ADAMTS20: variants seen among roughly 807,000 people sequenced by gnomAD.
ADAMTS20 encodes A disintegrin and metalloproteinase with thrombospondin motifs 20.
ADAMTS20 carries 225 observed loss-of-function variants against 260.1 expected under a neutral mutation model. The ratio of observed to expected loss-of-function variants is 0.87; its 90% CI spans 0.78 to 0.97. The LOEUF (loss-of-function observed/expected upper bound fraction) is 0.97, where lower values mean the gene tolerates loss of function less well. Among genes scored for constraint, ADAMTS20 ranks in the 50% least tolerant of loss-of-function variants. ADAMTS20 has a pLI of 0.00. For missense variants in ADAMTS20, 2,400 were observed against 2,337.7 expected, an observed-to-expected ratio of 1.03 and a Z score of -0.55; for synonymous variants, 802 against 769.5, an observed-to-expected ratio of 1.04 and a Z score of -0.70.
At chr12:43,525,234 C>T (rs547746428) in intron 3 of ADAMTS20, among the ~76,000 whole-genome samples, 1 of 152,152 alleles carries the variant, frequency 6.6e-6, no homozygotes, top group Non-Finnish European at 1.5e-5. Context: ...GCTTTAGCCT[C>T]CTTAGACAGG....
rs975301251 is a variant in ADAMTS20, at chr12:43,474,432, C to T, written c.1118-5727G>A. 8.3e-4 allele frequency among the ~76,000 whole-genome samples: 125 copies of T among 150,926 alleles called. 3 individuals are homozygous for T. Among genetic ancestry groups the T allele is most frequent in the Non-Finnish European group, 1.0e-3 (69 of 67,504 alleles). On this transcript the variant is annotated intron_variant, in intron 7 of 38. Transcript: ENST00000389420. ...GGTACAAGGAGGAACTGGTACCATT[C>T]CTTGTGAAACTATTCCAATCAATAG...
At chr12:43,460,494 G>C (rs1942040358) in intron 11 of ADAMTS20, among the ~76,000 whole-genome samples, 1 of 152,038 alleles carries the variant, frequency 6.6e-6, no homozygotes, top group Non-Finnish European at 1.5e-5. Context: ...TTGCTGGGGG[G>C]AGTCTAAAAT....
chr12:43,384,149 A>G (rs112900784), intron 29 of ADAMTS20, among the ~76,000 whole-genome samples, 172 bp from the exon 30 acceptor site: 5 of 152,350 alleles, frequency 3.3e-5, no homozygotes, highest in African/African-American at 9.6e-5. Flanking sequence ...CTGTAAATGT[A>G]TATTTTCCCT....
At chr12:43,370,055 C>T (rs1940073803) in intron 36 of ADAMTS20, among the ~76,000 whole-genome samples, 1 of 152,098 alleles carries the variant, frequency 6.6e-6, no homozygotes, top group Admixed American at 6.6e-5. Flanking sequence ...AATATTATCC[C>T]AACCAAATCA....
rs1346630537 is a variant in ADAMTS20, at chr12:43,454,038, C to G, written c.1629G>C (p.Gly543=). The G allele has an allele frequency of 1.9e-6, 3 of 1,612,636 alleles. No individual in the cohort carries two copies. Among genetic ancestry groups the G allele is most frequent in the Non-Finnish European group, 2.5e-6 (3 of 1,179,500 alleles). The change falls in exon 12 of 39, where the codon GGG becomes GGC. Residue 543 remains glycine (G), a synonymous_variant. Transcript: ENST00000389420. The part of the protein sequence containing the change: ...DCGPGMHCRH[G]LCVNKETETR... Reference sequence around the variant, plus strand: ...TTTCCGTTTCTTTGTTTACACATAGCCCATGACGGCAATGCTATAAAAATA... The same window carrying G: ...TTTCCGTTTCTTTGTTTACACATAGGCCATGACGGCAATGCTATAAAAATA...
chr12:43,538,552 T>C (rs143996571), intron 2 of ADAMTS20, among the ~76,000 whole-genome samples: 2 of 152,230 alleles, frequency 1.3e-5, no homozygotes, highest in African/African-American at 4.8e-5. Context: ...TTTGCTTTGG[T>C]TGCCTGTGCT....
intron 8 of ADAMTS20, among the ~76,000 whole-genome samples, chr12:43,467,903 C>G (rs1317878372): frequency 6.6e-6 from 1 of 152,054 alleles, no homozygotes; most frequent in South Asian, 2.1e-4. Context: ...GACTCAGGTC[C>G]TTATTAGCAG....
At chr12:43,415,394 CTCTTA>C (rs1555176399) in intron 28 of ADAMTS20, among the ~76,000 whole-genome samples, 2 of 151,970 alleles carry the variant, frequency 1.3e-5, no homozygotes, top group Non-Finnish European at 2.9e-5. Context: ...ATTGATGTCT[CTCTTA>C]TACTAGAGTA....
At chr12:43,501,460 TACGCGCGCGC>T (rs1256817274) in intron 4 of ADAMTS20, among the ~76,000 whole-genome samples, 23 of 92,154 alleles carry the variant, frequency 2.5e-4, no homozygotes, top group Middle Eastern at 6.4e-3. Flanking sequence ...TGGAGGGGGA[TACGCGCGCGC>T]GCGCGCGCGC....
intron 2 of ADAMTS20, among the ~76,000 whole-genome samples, chr12:43,536,541 G>T (rs1455403012): frequency 1.3e-5 from 2 of 152,166 alleles, no homozygotes; most frequent in African/African-American, 4.8e-5. Context: ...AATAAAAGAG[G>T]GTGAGAGTGG....
intron 38 of ADAMTS20, among the ~76,000 whole-genome samples, chr12:43,356,197 T>C (rs182082972): frequency 1.3e-5 from 2 of 152,318 alleles, no homozygotes; most frequent in African/African-American, 2.4e-5. Context: ...AAACTTGAGA[T>C]AGACAAAATC....
chr12:43,408,360 C>T (rs1940959177), intron 28 of ADAMTS20, among the ~76,000 whole-genome samples: 1 of 152,016 alleles, frequency 6.6e-6, no homozygotes, highest in Non-Finnish European at 1.5e-5. Context: ...TAAAGCATAC[C>T]TTTTTACAAA....
Position 43,448,238 on chromosome 12 carries a change from C to T in ADAMTS20, c.2080-1526G>A, listed in dbSNP as rs950569729. Among the ~76,000 whole-genome samples, 8 of 152,248 alleles carry T rather than the reference C, an allele frequency of 5.3e-5. No homozygotes were observed. The East Asian group carries it at 1.5e-3, about 29-fold the overall frequency. ...AGGTGTCATGCTACCCAACTTCAAA[C>T]TATACTACAGGGCTACAGTAACCAA... On this transcript the variant is annotated intron_variant, in intron 14 of 38. Transcript: ENST00000389420.
intron 11 of ADAMTS20, among the ~76,000 whole-genome samples, chr12:43,461,535 C>T (rs1942065229): frequency 6.6e-6 from 1 of 152,088 alleles, no homozygotes; most frequent in African/African-American, 2.4e-5. Flanking sequence ...TTGCCACGAG[C>T]AATCAATCCT....
intron 14 of ADAMTS20, 60 bp downstream of exon 14, chr12:43,452,214 G>T: frequency 1.3e-6 from 2 of 1,496,174 alleles, no homozygotes; most frequent in Non-Finnish European, 1.8e-6. Flanking sequence ...TATATAAATC[G>T]AAAAAAAACA....
At chr12:43,393,948 T>C (rs1221478283) in intron 29 of ADAMTS20, among the ~76,000 whole-genome samples, 1 of 152,122 alleles carries the variant, frequency 6.6e-6, no homozygotes, top group Non-Finnish European at 1.5e-5. Flanking sequence ...AAATATTCTC[T>C]TATATTGAAC....
In ADAMTS20 at chr12:43,443,795, G is replaced by A. The variant is rs1941710867; in HGVS notation, c.2286C>T (p.Tyr762=). Residue 762 remains tyrosine, a synonymous_variant, in exon 16 of 39, where the codon TAC becomes TAT. Coordinates refer to ENST00000389420, the MANE Select transcript of ADAMTS20 (RefSeq NM_025003.5). ...YSYSGQPDDS[Y]LALSDAEGNF... is the part of the protein sequence containing the mutation. Reference sequence around the variant, plus strand: ...TTGTTTACGAGAAATGTTTACCAAGGTAACTGTCATCTGGTTGTCCAGAAT... The same window carrying A: ...TTGTTTACGAGAAATGTTTACCAAGATAACTGTCATCTGGTTGTCCAGAAT... The A allele has an allele frequency of 2.5e-6, 4 of 1,611,438 alleles. No homozygotes were observed. Among genetic ancestry groups the A allele is most frequent in the Non-Finnish European group, 3.4e-6 (4 of 1,178,140 alleles).
chr12:43,416,429 T>C (rs1469870079), intron 28 of ADAMTS20, among the ~76,000 whole-genome samples: 1 of 152,110 alleles, frequency 6.6e-6, no homozygotes, highest in Non-Finnish European at 1.5e-5. Flanking sequence ...CTTCTTGACA[T>C]GGCCTTAATT....
At chr12:43,428,824 C>T (rs556380469) in intron 24 of ADAMTS20, 25 bp from the exon 25 acceptor site, 30 of 1,577,964 alleles carry the variant, frequency 1.9e-5, no homozygotes, top group African/African-American at 5.4e-5. Context: ...AAATTGTATC[C>T]GGGCATTATA....
Sources: allele counts gnomAD v4.1 joint callset (sites outside exome capture counted in the v4.1 genomes callset), GRCh38; gene constraint gnomAD v4.1.1; transcripts MANE v1.5; gene names NCBI Gene and HGNC (gene_info 2026-07-23, HGNC 2026-07-21).